Variants in SPOPL observed in about 807,000 individuals in gnomAD.
The protein encoded by SPOPL is speckle-type POZ protein-like.
A neutral mutation model predicts 53.8 loss-of-function variants in SPOPL; 23 were observed. The ratio of observed to expected loss-of-function variants is 0.43; its 90% CI spans 0.31 to 0.61. The LOEUF is 0.61. SPOPL is among the 20% of genes least tolerant of loss of function. The pLI, the probability that SPOPL is intolerant of heterozygous loss-of-function variation, is 0.12. For synonymous variants in SPOPL, 164 were observed against 149.7 expected (o/e 1.10, Z -0.70); for missense variants, 442 against 466.9 (o/e 0.95, Z 0.49).
intron 1 of SPOPL, among the ~76,000 whole-genome samples, chr2:138,536,344 C>CA (rs1553469712): frequency 0.071 from 10,640 of 149,464 alleles, 831 homozygotes; most frequent in East Asian, 0.33. Flanking sequence ...AGTGCCCCCC[C>CA]CCCACACACA....
Position 138,570,821 on chromosome 2 carries a change from A to G in SPOPL, c.*1741A>G, listed in dbSNP as rs960074154. 4 of 152,186 alleles carry G rather than the reference A, an allele frequency of 2.6e-5. No homozygotes were observed. In the East Asian group the frequency reaches 7.7e-4, roughly 29 times the overall value. The allele number at this position is 152,186 out of a possible 1,614,324, so 9.4% of individuals were successfully genotyped here. A position where few individuals can be genotyped will look rare whatever the true frequency, so the allele number is the denominator to read the frequency against. On this transcript the variant is annotated 3_prime_UTR_variant, in exon 11 of 11. Coordinates refer to ENST00000280098, the MANE Select transcript of SPOPL (RefSeq NM_001001664.3). ...CAGATTCATTTGGATTCATATTTACATTGAAAAAACTCAACTAAGCATTTG... is the reference window on the plus strand; with the variant it reads ...CAGATTCATTTGGATTCATATTTACGTTGAAAAAACTCAACTAAGCATTTG...
At position 138,552,578 on chromosome 2, in the gene SPOPL, T is replaced by A; in HGVS notation, c.377T>A (p.Val126Glu). ...GAAAGCCAAAGAGCATATCGATTTG[T>A]GCAAGGGAAGGACTGGGGTTTTAAA... ...AMESQRAYRFVQGKDWGFKKF... is the reference protein window; with the variant it reads ...AMESQRAYRFEQGKDWGFKKF... The change falls in exon 5 of 11, where the codon GTG becomes GAG. Residue 126 changes from valine (V) to glutamate (E), a missense_variant. Val to Glu is a moderately radical substitution (Grantham distance 121). Transcript: ENST00000280098. The A allele has an allele frequency of 6.2e-7, 1 of 1,612,852 alleles. No homozygotes were observed. Among genetic ancestry groups the A allele is most frequent in the African/African-American group, 1.3e-5 (1 of 74,992 alleles).
intron 1 of SPOPL, among the ~76,000 whole-genome samples, chr2:138,505,520 G>A (rs1268964211): frequency 6.7e-6 from 1 of 150,330 alleles, no homozygotes; most frequent in Non-Finnish European, 1.5e-5. Flanking sequence ...ACTTTGGGAG[G>A]TCGAGGTGGG....
intron 1 of SPOPL, among the ~76,000 whole-genome samples, chr2:138,523,890 C>T (rs756973104): frequency 5.3e-5 from 8 of 152,160 alleles, no homozygotes; most frequent in Non-Finnish European, 1.0e-4. Context: ...TTTCCAGGCG[C>T]ACGGTACAAA....
intron 8 of SPOPL, among the ~76,000 whole-genome samples, chr2:138,563,746 G>A (rs1226290532): frequency 1.3e-5 from 2 of 152,176 alleles, no homozygotes; most frequent in East Asian, 3.9e-4. Flanking sequence ...AACTTACACT[G>A]TGATCCAGTG....
intron 1 of SPOPL, among the ~76,000 whole-genome samples, chr2:138,536,959 CT>C (rs1349889635): frequency 2.1e-4 from 32 of 152,282 alleles, no homozygotes; most frequent in African/African-American, 7.0e-4. Context: ...CTCAGTTCTT[CT>C]TATCTTCACG....
intron 1 of SPOPL, among the ~76,000 whole-genome samples, chr2:138,547,114 C>A (rs541255852): frequency 6.6e-6 from 1 of 151,944 alleles, no homozygotes; most frequent in African/African-American, 2.4e-5. Context: ...TATAGGCGCC[C>A]GCCCCCATGC....
chr2:138,540,697 A>G (rs1474306670), intron 1 of SPOPL, among the ~76,000 whole-genome samples: 2 of 152,198 alleles, frequency 1.3e-5, no homozygotes, highest in Non-Finnish European at 2.9e-5. Context: ...AACAGGGACA[A>G]TTTGACTTCC....
intron 1 of SPOPL, among the ~76,000 whole-genome samples, chr2:138,514,062 A>AACAT (rs1684386810): frequency 6.6e-6 from 1 of 152,180 alleles, no homozygotes; most frequent in South Asian, 2.1e-4. Flanking sequence ...TCTTACCTTA[A>AACAT]ACATACATAT....
In SPOPL at chr2:138,550,259, A is replaced by G. The variant is rs143323501; in HGVS notation, c.43A>G (p.Thr15Ala). ...PTPPLPGDMS[T>A]GPIAESWCYT... ...CCCACCTCTACCTGGAGATATGTCT[A>G]CTGGTCCCATAGCAGAAAGCTGGTG... The change falls in exon 2 of 11, where the codon ACT (threonine) becomes GCT (alanine). Residue 15 changes from threonine (T) to alanine (A), a missense_variant. Physicochemically the swap from Thr to Ala is moderately conservative, Grantham distance 58 (BLOSUM62 0). Coordinates refer to ENST00000280098, the MANE Select transcript of SPOPL (RefSeq NM_001001664.3). 12 of 1,613,550 alleles carry G rather than the reference A, an allele frequency of 7.4e-6. No individual in the cohort carries two copies. The highest frequency in any genetic ancestry group is 5.3e-5 in the African/African-American group (4 of 74,912).
At chr2:138,543,465 C>T (rs1345841372) in intron 1 of SPOPL, among the ~76,000 whole-genome samples, 1 of 152,304 alleles carries the variant, frequency 6.6e-6, no homozygotes, top group African/African-American at 2.4e-5. Flanking sequence ...AGCTTCTCTT[C>T]TCACTTCACT....
chr2:138,522,929 A>G (rs1684588737), intron 1 of SPOPL, among the ~76,000 whole-genome samples: 1 of 152,090 alleles, frequency 6.6e-6, no homozygotes, highest in South Asian at 2.1e-4. Flanking sequence ...TTTTCATTTT[A>G]TTTTTAAACC....
chr2:138,550,915 A>G lies in SPOPL; in HGVS notation c.213A>G (p.Val71=). The change falls in exon 4 of 11, where the codon GTA becomes GTG. Residue 71 remains valine, a synonymous_variant. Transcript: ENST00000280098. ...PSDKMKWCLR[V]NPKGLDDESK... ...TGTTTTATTTTAGGTGCCTGAGGGT[A>G]AACCCAAAGGGATTAGATGATGAAA... The G allele has an allele frequency of 6.2e-7, 1 of 1,609,992 alleles. No homozygotes were observed. The highest frequency in any genetic ancestry group is 1.3e-5 in the African/African-American group (1 of 74,746).
At chr2:138,514,428 G>A (rs937992458) in intron 1 of SPOPL, among the ~76,000 whole-genome samples, 2 of 152,192 alleles carry the variant, frequency 1.3e-5, no homozygotes, top group African/African-American at 2.4e-5. Flanking sequence ...AAGCAGGTTT[G>A]CCCTGAGCAG....
At chr2:138,507,563 G>T (rs941436769) in intron 1 of SPOPL, among the ~76,000 whole-genome samples, 2 of 152,200 alleles carry the variant, frequency 1.3e-5, no homozygotes, top group Non-Finnish European at 2.9e-5. Context: ...AGTTACACAG[G>T]TGGAGAAGAC....
rs1685735363 is a variant in SPOPL, at chr2:138,569,557, GTTCTATAAATATGGGAGAACCCTC to G, written c.*480_*503del. ...ATTACCAGTAATATCTCCAATCTAA[GTTCTATAAATATGGGAGAACCCTC>G]TTACCTTCAAGGTAAGTTATGGCAA... On this transcript the variant is annotated 3_prime_UTR_variant, in exon 11 of 11. Transcript: ENST00000280098. 6.6e-6 allele frequency: 1 copy of G among 152,430 alleles called. No individual in the cohort carries two copies. The highest frequency in any genetic ancestry group is 2.4e-5 in the African/African-American group (1 of 41,422). 9.4% of individuals were successfully genotyped at this position (152,430 alleles called of 1,614,324 possible).
chr2:138,509,163 T>C (rs916465005), intron 1 of SPOPL, among the ~76,000 whole-genome samples: 3 of 152,156 alleles, frequency 2.0e-5, no homozygotes, highest in Non-Finnish European at 2.9e-5. Context: ...TATGTATATA[T>C]ACCTAAAGTG....
chr2:138,562,615 C>G (rs944434418), intron 8 of SPOPL, among the ~76,000 whole-genome samples: 1 of 151,774 alleles, frequency 6.6e-6, no homozygotes, highest in Non-Finnish European at 1.5e-5. Context: ...TGAACCCTGT[C>G]TCTACTAAAA....
Position 138,560,809 on chromosome 2 carries a change from G to T in SPOPL, c.719G>T (p.Arg240Leu), listed in dbSNP as rs759036296. ...TGTGTTGTTTTTCGATATCAGAATC[G>T]AGTGGAAATAAATGATTTAGACCCT... Reference protein sequence around the residue: ...EHEMEESKKNRVEINDLDPEV... With the variant: ...EHEMEESKKNLVEINDLDPEV... Residue 240 changes from arginine to leucine, a missense_variant, in exon 8 of 11, where the codon CGA becomes CTA. Transcript: ENST00000280098. The T allele has an allele frequency of 1.3e-6, 2 of 1,575,134 alleles. No individual in the cohort carries two copies. The highest frequency in any genetic ancestry group is 1.7e-6 in the Non-Finnish European group (2 of 1,166,652).
Sources: allele counts gnomAD v4.1 joint callset (sites outside exome capture counted in the v4.1 genomes callset), GRCh38; gene constraint gnomAD v4.1.1; transcripts MANE v1.5; gene names NCBI Gene and HGNC (gene_info 2026-07-23, HGNC 2026-07-21).